Variants in RUNX3 observed in about 807,000 individuals in gnomAD.
The protein encoded by RUNX3 is runt-related transcription factor 3.
A neutral mutation model predicts 27.7 loss-of-function variants in RUNX3; 10 were observed. That is an observed-to-expected ratio of 0.36 (90% CI 0.22 to 0.61). The LOEUF (loss-of-function observed/expected upper bound fraction) is 0.61. RUNX3 is among the 20% of genes least tolerant of loss of function. The probability of loss-of-function intolerance (pLI) is 0.72; values close to 1 mark genes in which losing one functional copy is unlikely to be tolerated. For missense variants in RUNX3, 469 were observed against 629.5 expected (o/e 0.75, Z 2.73); for synonymous variants, 270 against 269.2 (o/e 1.00, Z -0.03).
chr1:24,930,352 A>G, upstream of RUNX3: 1 of 472,612 alleles, frequency 2.1e-6, no homozygotes. This position sits in a 1 kb window ranked among gnomAD's most constrained non-coding sequence, Gnocchi z 4.1. Context: ...CGCGTCGCAC[A>G]GCCAATCGGC....
intron 2 of RUNX3, among the ~76,000 whole-genome samples, chr1:24,939,260 C>T (rs1198475842): frequency 6.6e-6 from 1 of 152,194 alleles, no homozygotes; most frequent in East Asian, 1.9e-4. Flanking sequence ...CACCCACGCT[C>T]ATGGGCACAG....
Position 24,929,924 on chromosome 1 carries a change from C to A in RUNX3, c.-56G>T, listed in dbSNP as rs1288819221. Reference sequence around the variant, plus strand: ...GAGACGGCGCGGCTTCCCCCGGGGGCGGCCGGCGCGGGCGCCTCCTCGGCC... The same window carrying A: ...GAGACGGCGCGGCTTCCCCCGGGGGAGGCCGGCGCGGGCGCCTCCTCGGCC... On this transcript the variant is annotated 5_prime_UTR_variant, in exon 1 of 5. Coordinates refer to ENST00000308873, the MANE Select transcript of RUNX3 (RefSeq NM_004350.3). 2 of 1,225,014 alleles carry A rather than the reference C, an allele frequency of 1.6e-6. No homozygotes were observed. Among genetic ancestry groups the A allele is most frequent in the Non-Finnish European group, 2.0e-6 (2 of 984,862 alleles). The allele number at this position is 1,225,014 out of a possible 1,614,324, so 75.9% of individuals were successfully genotyped here.
At chr1:24,908,563 G>A (rs1640736603) in intron 3 of RUNX3, among the ~76,000 whole-genome samples, 1 of 152,216 alleles carries the variant, frequency 6.6e-6, no homozygotes, top group African/African-American at 2.4e-5. Context: ...CTACTGGGAT[G>A]ACTGAGGCAG....
chr1:24,932,490 G>A (rs573074754), upstream of RUNX3, among the ~76,000 whole-genome samples: 48 of 152,282 alleles, frequency 3.2e-4, no homozygotes, highest in African/African-American at 8.7e-4. Context: ...TGCGGCCCCG[G>A]GTGCAGGCGC....
chr1:24,951,218 A>AAAT (rs886423183), intron 2 of RUNX3, among the ~76,000 whole-genome samples: 4 of 150,834 alleles, frequency 2.7e-5, no homozygotes, highest in Admixed American at 1.3e-4. Context: ...AAAAAAAAAA[A>AAAT]AAAAATAAGG....
intron 2 of RUNX3, among the ~76,000 whole-genome samples, chr1:24,921,388 C>T (rs1184173411): frequency 2.0e-5 from 3 of 152,190 alleles, no homozygotes; most frequent in Admixed American, 2.0e-4. Context: ...AAGCTCAAGA[C>T]CCACTGAGTG....
Position 24,902,509 on chromosome 1 carries a change from C to G in RUNX3, c.861G>C (p.Thr287=), listed in dbSNP as rs748707812. 4 of 1,598,104 alleles carry G rather than the reference C, an allele frequency of 2.5e-6. No homozygotes were observed. Among genetic ancestry groups the G allele is most frequent in the South Asian group, 2.2e-5 (2 of 90,364 alleles). ...CCGCCACGCTGAGGCTGCTGATGCT[C>G]GTGCCCGAGGGCGTGGCGCTGTAGG... ...AFPYSATPSG[T]SISSLSVAGM... is the part of the protein sequence containing the mutation. Residue 287 remains threonine, a synonymous_variant, in exon 5 of 5, where the codon ACG becomes ACC. Transcript: ENST00000308873. This position sits in a 1 kb window ranked among gnomAD's most constrained non-coding sequence, Gnocchi z 9.2.
intron 2 of RUNX3, among the ~76,000 whole-genome samples, chr1:24,925,921 T>C (rs1641090728): frequency 6.6e-6 from 1 of 152,154 alleles, no homozygotes; most frequent in African/African-American, 2.4e-5. Context: ...GCTCAAGGTC[T>C]GTGGGCATGA....
At chr1:24,956,702 A>G (rs1218181608) in intron 2 of RUNX3, among the ~76,000 whole-genome samples, 4 of 152,152 alleles carry the variant, frequency 2.6e-5, no homozygotes, top group African/African-American at 9.7e-5. Context: ...CTCAGGCTTG[A>G]GGAAGGAGCA....
Position 24,923,690 on chromosome 1 carries a change from G to T in RUNX3, c.439+3884C>A, listed in dbSNP as rs533886108. 1.4e-4 allele frequency among the ~76,000 whole-genome samples: 22 copies of T among 152,210 alleles called. No homozygotes were observed. The South Asian group carries it at 2.9e-3, about 20-fold the overall frequency. ...CCCCACCCACAGGAGCTGCATGGGTGGGGGGAGGGGACGTGTCTCAGTCTC... is the reference window on the plus strand; with the variant it reads ...CCCCACCCACAGGAGCTGCATGGGTTGGGGGAGGGGACGTGTCTCAGTCTC... On this transcript the variant is annotated intron_variant, in intron 2 of 4. Transcript: ENST00000308873. The surrounding 1 kb of genome is among the most constrained non-coding windows in gnomAD (Gnocchi z 5.9).
chr1:24,911,891 T>C (rs1326550259), intron 3 of RUNX3, among the ~76,000 whole-genome samples: 1 of 152,198 alleles, frequency 6.6e-6, no homozygotes. Context: ...TTGCCCTCCG[T>C]AGGGCAGACT....
chr1:24,902,236 G>C lies in RUNX3; in HGVS notation c.1134C>G (p.Asn378Lys), dbSNP rs1640570048. Reference sequence around the variant, plus strand: ...CATCACTCTGGCCGCCCAGGCTGGGGTTCATGAGGTTGCCGGCGGCGACAG... The same window carrying C: ...CATCACTCTGGCCGCCCAGGCTGGGCTTCATGAGGTTGCCGGCGGCGACAG... Reference protein sequence around the residue: ...AASVAAGNLMNPSLGGQSDGV... With the variant: ...AASVAAGNLMKPSLGGQSDGV... The change falls in exon 5 of 5, where the codon AAC (asparagine) becomes AAG (lysine). Residue 378 changes from asparagine to lysine, a missense_variant. Coordinates refer to ENST00000308873, the MANE Select transcript of RUNX3 (RefSeq NM_004350.3). The surrounding 1 kb of genome is among the most constrained non-coding windows in gnomAD (Gnocchi z 9.2). 6.3e-7 allele frequency: 1 copy of C among 1,578,644 alleles called. No individual in the cohort carries two copies. Among genetic ancestry groups the C allele is most frequent in the Non-Finnish European group, 8.6e-7 (1 of 1,164,298 alleles).
At chr1:24,963,728 T>A (rs1642179417) in intron 2 of RUNX3, among the ~76,000 whole-genome samples, 1 of 151,978 alleles carries the variant, frequency 6.6e-6, no homozygotes, top group South Asian at 2.1e-4. Context: ...CCAGGGTGCA[T>A]CAGCCCTAAA....
At chr1:24,942,806 C>A (rs1469898339) in intron 2 of RUNX3, among the ~76,000 whole-genome samples, 1 of 152,190 alleles carries the variant, frequency 6.6e-6, no homozygotes, top group Non-Finnish European at 1.5e-5. Context: ...TCAGCATCAG[C>A]GGTGCCCTAA....
upstream of RUNX3, chr1:24,930,377 G>T (rs1488039094): frequency 3.1e-6 from 1 of 325,044 alleles, no homozygotes; most frequent in Non-Finnish European, 4.4e-6. This position sits in a 1 kb window ranked among gnomAD's most constrained non-coding sequence, Gnocchi z 4.1. Flanking sequence ...CCCCCATCGC[G>T]GGCACCTCGG....
rs971729552 is a variant in RUNX3, at chr1:24,962,888, A to G, written c.58+1626T>C. On this transcript the variant is annotated intron_variant, in intron 2 of 6. Transcript: ENST00000338888. This position sits in a 1 kb window ranked among gnomAD's most constrained non-coding sequence, Gnocchi z 4.5. ...AAGGTTCCTTTGTTTTAAACCCTAC[A>G]TTTCTCCATCTTGCGCACGGAAGGA... 10 of 152,156 alleles carry G rather than the reference A, an allele frequency of 6.6e-5. No homozygotes were observed. Among genetic ancestry groups the G allele is most frequent in the Non-Finnish European group, 1.2e-4 (8 of 68,030 alleles). The allele number at this position is 152,156 out of a possible 1,614,324, so 9.4% of individuals were successfully genotyped here. A position where few individuals can be genotyped will look rare whatever the true frequency, so the allele number is the denominator to read the frequency against.
intron 2 of RUNX3, among the ~76,000 whole-genome samples, chr1:24,922,090 AC>A (rs1395477732): frequency 8.6e-5 from 13 of 151,960 alleles, no homozygotes; most frequent in Admixed American, 8.5e-4. Flanking sequence ...AGCTGGGACA[AC>A]AGGTGAGCGC....
chr1:24,952,797 C>CA (rs1641800154), intron 2 of RUNX3, among the ~76,000 whole-genome samples: 2 of 152,186 alleles, frequency 1.3e-5, no homozygotes, highest in South Asian at 4.1e-4. Flanking sequence ...TAAGTGGGCA[C>CA]ATAGCCAGTA....
At chr1:24,903,380 A>G (rs907228497) in intron 4 of RUNX3, among the ~76,000 whole-genome samples, 5 of 152,290 alleles carry the variant, frequency 3.3e-5, no homozygotes, top group Admixed American at 6.5e-5. Context: ...CCACACAGTG[A>G]CTGGATGCCA....
Sources: allele counts gnomAD v4.1 joint callset (sites outside exome capture counted in the v4.1 genomes callset), GRCh38; gene constraint gnomAD v4.1.1; non-coding constraint Gnocchi (gnomAD v3.1); transcripts MANE v1.5; gene names NCBI Gene and HGNC (gene_info 2026-07-23, HGNC 2026-07-21).